CAB39L: variants seen among roughly 807,000 people sequenced by gnomAD.
CAB39L encodes calcium-binding protein 39-like.
Under a neutral mutation model 39.1 loss-of-function variants are expected in CAB39L, and 23 were observed. That is an observed-to-expected ratio of 0.59 (90% CI 0.42 to 0.83). The LOEUF is 0.83. CAB39L is among the 40% of genes least tolerant of loss of function. The pLI, the probability that CAB39L is intolerant of heterozygous loss-of-function variation, is 0.00. For missense variants in CAB39L, 366 were observed against 391.9 expected (o/e 0.93, Z 0.56); for synonymous variants, 126 against 137.2 (o/e 0.92, Z 0.57).
At chr13:49,378,734 C>T (rs1226487788) in intron 4 of CAB39L, among the ~76,000 whole-genome samples, 4 of 52,826 alleles carry the variant, frequency 7.6e-5, no homozygotes, top group East Asian at 3.7e-4. Context: ...GCCCCCCGCC[C>T]GGCCAGCCGC....
At chr13:49,318,182 C>A (rs1468461108) in intron 10 of CAB39L, among the ~76,000 whole-genome samples, 2 of 151,736 alleles carry the variant, frequency 1.3e-5, no homozygotes, top group African/African-American at 4.8e-5. Context: ...AAACCCTGGG[C>A]CAGGAATGAT....
intron 5 of CAB39L, among the ~76,000 whole-genome samples, chr13:49,367,289 G>A (rs533334330): frequency 5.9e-5 from 9 of 152,326 alleles, no homozygotes; most frequent in Non-Finnish European, 1.2e-4. Flanking sequence ...TTAGCCATTA[G>A]GGAAATGAAA....
At chr13:49,366,376 A>C (rs1051088014) in intron 5 of CAB39L, among the ~76,000 whole-genome samples, 1 of 152,104 alleles carries the variant, frequency 6.6e-6, no homozygotes, top group Non-Finnish European at 1.5e-5. Context: ...AGAAAAAAAG[A>C]GAAAAAAGAA....
intron 10 of CAB39L, among the ~76,000 whole-genome samples, chr13:49,324,296 G>A (rs1481854438): frequency 1.3e-5 from 2 of 151,988 alleles, no homozygotes; most frequent in Non-Finnish European, 1.5e-5. Context: ...AAGCCTGGGT[G>A]ACAGAGCGAG....
chr13:49,385,595 A>G (rs1221748555), intron 3 of CAB39L, among the ~76,000 whole-genome samples: 2 of 152,096 alleles, frequency 1.3e-5, no homozygotes, highest in African/African-American at 4.8e-5. Context: ...TCATTTTTCC[A>G]TCTTTTGATT....
intron 3 of CAB39L, among the ~76,000 whole-genome samples, chr13:49,390,133 C>T (rs1356568186): frequency 6.6e-6 from 1 of 152,170 alleles, no homozygotes; most frequent in African/African-American, 2.4e-5. Flanking sequence ...ATGATCCTCT[C>T]ACCTTGGCCT....
chr13:49,415,218 T>A (rs1594080647), intron 3 of CAB39L, among the ~76,000 whole-genome samples: 2 of 130,668 alleles, frequency 1.5e-5, no homozygotes, highest in African/African-American at 5.8e-5. Context: ...AAAATAAAAA[T>A]AAAAAATAAA....
chr13:49,349,721 T>TAACC (rs1302567445), intron 7 of CAB39L, among the ~76,000 whole-genome samples: 1 of 152,134 alleles, frequency 6.6e-6, no homozygotes, highest in Non-Finnish European at 1.5e-5. Flanking sequence ...CTTTATACAC[T>TAACC]AACCGGAATG....
intron 3 of CAB39L, among the ~76,000 whole-genome samples, chr13:49,387,135 G>A (rs1956383559): frequency 1.3e-5 from 2 of 152,142 alleles, no homozygotes; most frequent in Admixed American, 6.5e-5. Flanking sequence ...TCTGTAAAAC[G>A]AAGTTGTTCT....
At chr13:49,386,942 A>G (rs1203422730) in intron 3 of CAB39L, among the ~76,000 whole-genome samples, 1 of 152,124 alleles carries the variant, frequency 6.6e-6, no homozygotes, top group Non-Finnish European at 1.5e-5. Context: ...GCTGGTCACT[A>G]TATATACATC....
chr13:49,332,181 A>G (rs1483074767), intron 9 of CAB39L, 91 bp from the exon 10 acceptor site: 16 of 1,424,050 alleles, frequency 1.1e-5, no homozygotes, highest in African/African-American at 2.8e-5. Flanking sequence ...CAAAATATAA[A>G]TGTGAGTAAG....
rs543207760 is a variant in CAB39L, at chr13:49,377,145, C to G, written c.112-14G>C. The G allele has an allele frequency of 6.9e-6, 11 of 1,605,636 alleles. No homozygotes were observed. In the African/African-American group the frequency reaches 1.5e-4, roughly 22 times the overall value. On this transcript the variant is annotated splice_polypyrimidine_tract_variant and intron_variant, in intron 4 of 10. Coordinates refer to ENST00000409308, the MANE Select transcript of CAB39L (RefSeq NM_001079670.3). ...TTCTTCTGAAGCCTAGTGACCAAAA[C>G]GTATGCTAACGGTTAAAAGAATAAA...
At chr13:49,386,316 TC>T (rs1329538634) in intron 3 of CAB39L, among the ~76,000 whole-genome samples, 1 of 152,178 alleles carries the variant, frequency 6.6e-6, no homozygotes, top group Admixed American at 6.5e-5. Context: ...ATTCACTATC[TC>T]CCCTTTTCAT....
At chr13:49,311,145 T>G in intron 10 of CAB39L, 152 bp from the exon 11 acceptor site, 1 of 657,950 alleles carries the variant, frequency 1.5e-6, no homozygotes, top group Middle Eastern at 3.0e-4. Context: ...TAATTCTCAG[T>G]GAGGGTGATC....
chr13:49,371,827 A>G (rs1955927052), intron 5 of CAB39L, among the ~76,000 whole-genome samples: 1 of 152,080 alleles, frequency 6.6e-6, no homozygotes, highest in African/African-American at 2.4e-5. Flanking sequence ...CCTGGGCTCA[A>G]GCAATCCTCC....
chr13:49,413,399 G>T (rs1006438232), intron 3 of CAB39L, among the ~76,000 whole-genome samples: 1 of 152,098 alleles, frequency 6.6e-6, no homozygotes, highest in African/African-American at 2.4e-5. Flanking sequence ...CTAAGAAATG[G>T]GAATTTAGAT....
At chr13:49,333,536 T>TA (rs1354568186) in intron 9 of CAB39L, among the ~76,000 whole-genome samples, 1 of 151,202 alleles carries the variant, frequency 6.6e-6, no homozygotes, top group Middle Eastern at 3.2e-3. Flanking sequence ...GCTTCTTTCC[T>TA]AAACTCTAGA....
chr13:49,379,120 G>A (rs1956196124), intron 4 of CAB39L, among the ~76,000 whole-genome samples: 1 of 48,612 alleles, frequency 2.1e-5, no homozygotes, highest in Non-Finnish European at 4.1e-5. Context: ...GGGAGGTGAG[G>A]GGCGCCTCTG....
At chr13:49,429,642 G>A (rs1957290377) in intron 3 of CAB39L, among the ~76,000 whole-genome samples, 1 of 152,086 alleles carries the variant, frequency 6.6e-6, no homozygotes, top group African/African-American at 2.4e-5. Context: ...ATTTAATATA[G>A]TTTAGTTAAC....
Sources: allele counts gnomAD v4.1 joint callset (sites outside exome capture counted in the v4.1 genomes callset), GRCh38; gene constraint gnomAD v4.1.1; transcripts MANE v1.5; gene names NCBI Gene and HGNC (gene_info 2026-07-23, HGNC 2026-07-21).